The following CSMD1 variants were observed in gnomAD, a reference collection of about 807,000 sequenced individuals.
The protein encoded by CSMD1 is CUB and Sushi multiple domains 1.
In CSMD1, 213 loss-of-function variants were observed where a neutral mutation model predicts 417.5. The ratio of observed to expected loss-of-function variants is 0.51; its 90% confidence interval spans 0.46 to 0.57. The LOEUF is 0.57. Ranked by LOEUF, CSMD1 falls within the 20% of genes least tolerant of loss-of-function variation. The pLI, the probability that CSMD1 is intolerant of heterozygous loss-of-function variation, is 0.00. For missense variants in CSMD1, 6,923 were observed against 4,529.7 expected (o/e 1.53, Z -15.17); for synonymous variants, 2,862 against 1,736.8 (o/e 1.65, Z -16.11).
chr8:4,673,847 G>A (rs28495712), intron 1 of CSMD1, among the ~76,000 whole-genome samples: 1 of 152,038 alleles, frequency 6.6e-6, no homozygotes, highest in African/African-American at 2.4e-5. Flanking sequence ...TGCTTGCCAG[G>A]GACTGCCCGT....
intron 10 of CSMD1, among the ~76,000 whole-genome samples, chr8:3,523,680 C>A (rs1027706081): frequency 6.6e-6 from 1 of 151,490 alleles, no homozygotes; most frequent in Non-Finnish European, 1.5e-5. Flanking sequence ...CACACGTACA[C>A]CCAGAGAGAC....
chr8:4,753,165 T>G (rs767881439), intron 1 of CSMD1, among the ~76,000 whole-genome samples: 1 of 152,204 alleles, frequency 6.6e-6, no homozygotes, highest in Middle Eastern at 3.4e-3. Flanking sequence ...TCTGAGATCA[T>G]ACATACAGGA....
At chr8:4,247,399 A>G (rs1802779467) in intron 3 of CSMD1, among the ~76,000 whole-genome samples, 1 of 152,176 alleles carries the variant, frequency 6.6e-6, no homozygotes, top group South Asian at 2.1e-4. Context: ...AATTGGTTGC[A>G]TCTCCAGCTT....
intron 2 of CSMD1, among the ~76,000 whole-genome samples, chr8:4,439,788 A>T (rs186131505): frequency 2.0e-3 from 310 of 152,318 alleles, no homozygotes; most frequent in African/African-American, 7.1e-3. Flanking sequence ...ACAAATAGTG[A>T]CTTTGAGAAG....
At chr8:3,282,832 T>G (rs1430392282) in intron 26 of CSMD1, among the ~76,000 whole-genome samples, 1 of 152,212 alleles carries the variant, frequency 6.6e-6, no homozygotes, top group East Asian at 1.9e-4. Context: ...AACTCAATTT[T>G]CTTATGTAAA....
intron 47 of CSMD1, among the ~76,000 whole-genome samples, chr8:3,094,412 G>A (rs911854256): frequency 1.3e-5 from 2 of 152,074 alleles, no homozygotes; most frequent in Non-Finnish European, 2.9e-5. Context: ...GCCAGTTTTA[G>A]GTATTCTTAA....
At chr8:3,489,018 G>A (rs1048425028) in intron 11 of CSMD1, among the ~76,000 whole-genome samples, 12 of 152,076 alleles carry the variant, frequency 7.9e-5, no homozygotes, top group Admixed American at 1.3e-4. Flanking sequence ...TACATGTTTA[G>A]TGATTAACTC....
chr8:4,392,872 G>C (rs1212824310), intron 3 of CSMD1, among the ~76,000 whole-genome samples: 1 of 151,916 alleles, frequency 6.6e-6, no homozygotes, highest in East Asian at 2.0e-4. Flanking sequence ...GGGAGGCTAA[G>C]GCAGGAGAAT....
intron 23 of CSMD1, among the ~76,000 whole-genome samples, chr8:3,322,177 A>G (rs1806194834): frequency 6.6e-6 from 1 of 152,232 alleles, no homozygotes; most frequent in South Asian, 2.1e-4. Flanking sequence ...ACTGACAAAT[A>G]TATTCAATAC....
At chr8:3,830,343 T>C (rs1435004146) in intron 5 of CSMD1, among the ~76,000 whole-genome samples, 1 of 152,226 alleles carries the variant, frequency 6.6e-6, no homozygotes, top group Non-Finnish European at 1.5e-5. Context: ...TGGTCGTTGG[T>C]TCACATCTCT....
intron 7 of CSMD1, among the ~76,000 whole-genome samples, chr8:3,665,769 T>C (rs1432543959): frequency 1.3e-5 from 2 of 152,220 alleles, no homozygotes; most frequent in South Asian, 2.1e-4. Context: ...TCCAAGGCAG[T>C]AGCTTGAAGC....
intron 1 of CSMD1, chr8:4,787,361 T>G: frequency 1.4e-6 from 1 of 729,298 alleles, no homozygotes; most frequent in South Asian, 1.5e-5. Flanking sequence ...TGAACACTGG[T>G]AAAAAATTGT....
rs79104191 is a variant in CSMD1, at chr8:3,852,327, G to A, written c.819-98285C>T. On this transcript the variant is annotated intron_variant, in intron 5 of 69. Transcript: ENST00000635120. ...GAGGTGGGGTTTGTAGGGAGCAAGG[G>A]AGAATGGCCCGAAGGAAGCAGTGCA... Among the ~76,000 whole-genome samples the A allele has an allele frequency of 3.3e-5, 5 of 152,170 alleles. No individual in the cohort carries two copies. In the East Asian group the frequency reaches 9.7e-4, roughly 30 times the overall value.
chr8:3,417,035 T>C (rs528377336), intron 12 of CSMD1, among the ~76,000 whole-genome samples: 8 of 152,336 alleles, frequency 5.3e-5, no homozygotes, highest in African/African-American at 1.7e-4. Context: ...GAGAATGATT[T>C]ACCAAGAGTT....
Position 4,486,150 on chromosome 8 carries a change from T to C in CSMD1, c.303-66085A>G, listed in dbSNP as rs1031986510. 5.4e-3 allele frequency among the ~76,000 whole-genome samples: 139 copies of C among 25,562 alleles called. 1 individual carries two copies. Among genetic ancestry groups the C allele is most frequent in the African/African-American group, 0.019 (132 of 7,094 alleles). The allele number at this position is 25,562 out of a possible 152,430, so 16.8% of individuals were successfully genotyped here. ...ATATATATATATACATACATATATATATATATACATACATATATATATATA... is the reference window on the plus strand; with the variant it reads ...ATATATATATATACATACATATATACATATATACATACATATATATATATA... On this transcript the variant is annotated intron_variant, in intron 2 of 69. Transcript: ENST00000635120.
chr8:4,706,080 T>C (rs977389328), intron 1 of CSMD1, among the ~76,000 whole-genome samples: 2 of 150,594 alleles, frequency 1.3e-5, no homozygotes, highest in Non-Finnish European at 3.0e-5. Context: ...ATACATAAAA[T>C]TTTAACATAT....
At chr8:4,051,697 C>T (rs1798432004) in intron 3 of CSMD1, among the ~76,000 whole-genome samples, 1 of 151,962 alleles carries the variant, frequency 6.6e-6, no homozygotes, top group African/African-American at 2.4e-5. Flanking sequence ...AATTTATTTT[C>T]CAAAAATCAA....
chr8:3,461,851 A>C (rs1816526714), intron 12 of CSMD1, among the ~76,000 whole-genome samples: 1 of 152,218 alleles, frequency 6.6e-6, no homozygotes, highest in Admixed American at 6.5e-5. Context: ...CACTGTGAGC[A>C]GAGACCGAGG....
intron 2 of CSMD1, among the ~76,000 whole-genome samples, chr8:4,466,523 G>T (rs1292758243): frequency 6.6e-6 from 1 of 152,156 alleles, no homozygotes; most frequent in Non-Finnish European, 1.5e-5. Flanking sequence ...AGAAGGCAAT[G>T]GAAAGCTGTG....
Sources: gnomAD v4.1 joint callset for allele counts (sites outside exome capture counted in the v4.1 genomes callset) on GRCh38, gnomAD v4.1.1 for gene constraint, MANE v1.5 for transcripts, NCBI Gene and HGNC (gene_info 2026-07-23, HGNC 2026-07-21) for gene names.